The following CASQ2 variants were observed in gnomAD, a reference collection of about 807,000 sequenced individuals.
The protein encoded by CASQ2 is calsequestrin-2.
A neutral mutation model predicts 46.5 loss-of-function variants in CASQ2; 49 were observed. The ratio of observed to expected loss-of-function variants is 1.05; its 90% CI spans 0.84 to 1.34. The LOEUF is 1.34. Among genes scored for constraint, CASQ2 ranks in the 40% most tolerant of loss-of-function variants. The probability of loss-of-function intolerance (pLI) is 0.00; values close to 1 mark genes in which losing one functional copy is unlikely to be tolerated. For missense variants in CASQ2, 486 were observed against 481.3 expected, an observed-to-expected ratio of 1.01 and a Z score of -0.09; for synonymous variants, 174 against 168.5, an observed-to-expected ratio of 1.03 and a Z score of -0.25.
In CASQ2 at chr1:115,762,418, TC is replaced by T. The variant is rs1648994870; in HGVS notation, c.234+5889del. Among the ~76,000 whole-genome samples, 4 of 152,218 alleles carry T rather than the reference TC, an allele frequency of 2.6e-5. No homozygotes were observed. The South Asian group carries it at 8.3e-4, about 32-fold the overall frequency. ...CTTGTTTTCATGTTCTGAAACACTCTCTAGCTGCCTGAAAAAATCCCCCATA... is the reference window on the plus strand; with the variant it reads ...CTTGTTTTCATGTTCTGAAACACTCTTAGCTGCCTGAAAAAATCCCCCATA... On this transcript the variant is annotated intron_variant, in intron 1 of 10. Transcript: ENST00000261448.
At chr1:115,749,200 A>G (rs1459057999) in intron 1 of CASQ2, among the ~76,000 whole-genome samples, 1 of 152,160 alleles carries the variant, frequency 6.6e-6, no homozygotes, top group Non-Finnish European at 1.5e-5. Context: ...GACATAAAAT[A>G]AGAAGTTAAC....
At chr1:115,760,458 A>C (rs1440787535) in intron 1 of CASQ2, among the ~76,000 whole-genome samples, 1 of 152,166 alleles carries the variant, frequency 6.6e-6, no homozygotes, top group Non-Finnish European at 1.5e-5. Context: ...GCTGGAGTGC[A>C]GTATCTACTC....
intron 1 of CASQ2, among the ~76,000 whole-genome samples, chr1:115,750,738 G>A (rs1484238757): frequency 6.6e-6 from 1 of 152,116 alleles, no homozygotes; most frequent in African/African-American, 2.4e-5. Flanking sequence ...GAGCTCCTGG[G>A]CTCAATAATC....
At chr1:115,719,296 G>A (rs1256930806) in intron 7 of CASQ2, among the ~76,000 whole-genome samples, 1 of 152,110 alleles carries the variant, frequency 6.6e-6, no homozygotes. Flanking sequence ...CAGAAGGGGA[G>A]TCTGAGGTTT....
At chr1:115,745,867 C>A (rs577121556) in intron 1 of CASQ2, among the ~76,000 whole-genome samples, 1 of 152,226 alleles carries the variant, frequency 6.6e-6, no homozygotes, top group Admixed American at 6.5e-5. Context: ...TCTTGCAAAA[C>A]GGAGGTACAA....
At chr1:115,764,503 T>C (rs1055127326) in intron 1 of CASQ2, among the ~76,000 whole-genome samples, 3 of 152,232 alleles carry the variant, frequency 2.0e-5, no homozygotes, top group African/African-American at 7.2e-5. Context: ...CTGAAATTTC[T>C]AAATCATATA....
At chr1:115,739,183 C>T (rs1394302220) in intron 3 of CASQ2, among the ~76,000 whole-genome samples, 3 of 131,334 alleles carry the variant, frequency 2.3e-5, no homozygotes, top group Non-Finnish European at 4.7e-5. Context: ...ACGATCTAGG[C>T]TCACTGCAAG....
chr1:115,742,768 CTGTTTGTTTGTT>C (rs35672650), intron 2 of CASQ2, among the ~76,000 whole-genome samples: 8,303 of 150,434 alleles, frequency 0.055, 782 homozygotes, highest in African/African-American at 0.19. Flanking sequence ...ACTCATTAAA[CTGTTTGTTTGTT>C]TGTTTGTTTG....
In CASQ2 at chr1:115,712,167, G is replaced by T. The variant is rs150588982; in HGVS notation, c.838+5673C>A. On this transcript the variant is annotated intron_variant, in intron 8 of 10. Transcript: ENST00000261448. Reference sequence around the variant, plus strand: ...GGGAAACCTCAGAGGGACAGACAAGGCTGGGAGCTCTCCTCTCACAAGATG... The same window carrying T: ...GGGAAACCTCAGAGGGACAGACAAGTCTGGGAGCTCTCCTCTCACAAGATG... Among the ~76,000 whole-genome samples the T allele has an allele frequency of 5.4e-3, 824 of 152,284 alleles. 7 individuals carry two copies. Among genetic ancestry groups the T allele is most frequent in the African/African-American group, 0.019 (790 of 41,546 alleles).
chr1:115,717,847 A>T lies in CASQ2; in HGVS notation c.831T>A (p.Ser277Arg). Residue 277 changes from serine (S) to arginine (R), a missense_variant, in exon 8 of 11, where the codon AGT (serine) becomes AGA (arginine). Physicochemically the swap from Ser to Arg is moderately radical, Grantham distance 110. Coordinates refer to ENST00000261448, the MANE Select transcript of CASQ2 (RefSeq NM_001232.4). ...GIHIVAFAEK[S>R]DPDGYEFLEI... is the part of the protein sequence containing the mutation. ...AGGTTGAAGGTTTCCTACCTGGATC[A>T]CTCTTCTCTGCAAAGGCCACAATGT... 1 of 1,609,956 alleles carries T rather than the reference A, an allele frequency of 6.2e-7. No homozygotes were observed.
At chr1:115,725,401 C>T (rs1647545360) in intron 7 of CASQ2, 107 bp downstream of exon 7, 1 of 1,273,330 alleles carries the variant, frequency 7.9e-7, no homozygotes, top group Admixed American at 1.7e-5. Flanking sequence ...AGACATCCAC[C>T]TCAGCCAAAT....
In CASQ2 at chr1:115,700,814, T is replaced by C. The variant is rs1654182480; in HGVS notation, c.*427A>G. On this transcript the variant is annotated 3_prime_UTR_variant, in exon 11 of 11. Transcript: ENST00000261448. ...ATGGAGGGAGCTAAATCATTAATCA[T>C]GTGTCTTCCCTGGGCTCTGATTAAA... 3.9e-6 allele frequency: 2 copies of C among 513,392 alleles called. No homozygotes were observed. The highest frequency in any genetic ancestry group is 4.9e-4 in the Middle Eastern group (1 of 2,022). 31.8% of individuals were successfully genotyped at this position (513,392 alleles called of 1,614,324 possible). A position where few individuals can be genotyped will look rare whatever the true frequency, so the allele number is the denominator to read the frequency against.
At chr1:115,739,876 G>A (rs760888300) in intron 3 of CASQ2, among the ~76,000 whole-genome samples, 4 of 152,190 alleles carry the variant, frequency 2.6e-5, no homozygotes, top group Non-Finnish European at 4.4e-5. Context: ...ATAAAGCTGG[G>A]GCAGCACCAT....
At chr1:115,763,317 C>T (rs760551282) in intron 1 of CASQ2, among the ~76,000 whole-genome samples, 7 of 151,938 alleles carry the variant, frequency 4.6e-5, no homozygotes, top group East Asian at 3.9e-4. Context: ...TGGACATAGC[C>T]GACACAGGCT....
chr1:115,740,767 G>C lies in CASQ2; in HGVS notation c.381C>G (p.Gly127=). The change falls in exon 3 of 11, where the codon GGC becomes GGG. Residue 127 remains glycine (G), a synonymous_variant. Transcript: ENST00000261448. The part of the protein sequence containing the change: ...LKGDRTIEFD[G]EFAADVLVEF... ...CCACCAAGACATCAGCTGCAAACTC[G>C]CCATCAAACTCTATTGTGCGATCAC... The C allele has an allele frequency of 1.2e-6, 2 of 1,613,148 alleles. No individual in the cohort carries two copies. The highest frequency in any genetic ancestry group is 1.7e-6 in the Non-Finnish European group (2 of 1,179,344).
intron 1 of CASQ2, among the ~76,000 whole-genome samples, chr1:115,759,950 AG>A: frequency 6.6e-6 from 1 of 152,330 alleles, no homozygotes; most frequent in East Asian, 1.9e-4. Flanking sequence ...TTTAAAAGCC[AG>A]GCAATTCAAC....
chr1:115,757,716 A>G (rs1280667531), intron 1 of CASQ2, among the ~76,000 whole-genome samples: 3 of 152,156 alleles, frequency 2.0e-5, no homozygotes, highest in African/African-American at 2.4e-5. Flanking sequence ...CCCATGGCTT[A>G]AAAAAAATCA....
chr1:115,726,881 G>A (rs1647610910), intron 6 of CASQ2, 111 bp downstream of exon 6: 1 of 796,088 alleles, frequency 1.3e-6, no homozygotes. Flanking sequence ...CTGTACTGCT[G>A]GGGTACTAAC....
chr1:115,736,684 T>G (rs1263526451), intron 4 of CASQ2, among the ~76,000 whole-genome samples: 3 of 152,072 alleles, frequency 2.0e-5, no homozygotes, highest in Admixed American at 1.3e-4. Flanking sequence ...TCATTCAAAA[T>G]TTTTTTTAAA....
Sources: gnomAD v4.1 joint callset for allele counts (sites outside exome capture counted in the v4.1 genomes callset) on GRCh38, gnomAD v4.1.1 for gene constraint, MANE v1.5 for transcripts, NCBI Gene and HGNC (gene_info 2026-07-23, HGNC 2026-07-21) for gene names.